EXOC4: variants seen among roughly 807,000 people sequenced by gnomAD.
EXOC4 encodes SEC8-like 1.
Under a neutral mutation model 107.2 loss-of-function variants are expected in EXOC4, and 71 were observed. The observed-to-expected ratio is 0.66, with a 90% confidence interval of 0.55 to 0.81. The LOEUF (loss-of-function observed/expected upper bound fraction) is 0.81, where lower values mean the gene tolerates loss of function less well. Among genes scored for constraint, EXOC4 ranks in the 30% least tolerant of loss-of-function variants. EXOC4 has a pLI of 0.00. For missense variants in EXOC4, 1,108 were observed against 1,189.6 expected, an observed-to-expected ratio of 0.93 and a Z score of 1.01; for synonymous variants, 456 against 441.2, an observed-to-expected ratio of 1.03 and a Z score of -0.42.
At chr7:133,342,313 A>G (rs1207605757) in intron 5 of EXOC4, among the ~76,000 whole-genome samples, 1 of 152,170 alleles carries the variant, frequency 6.6e-6, no homozygotes, top group Non-Finnish European at 1.5e-5. Context: ...TTTGCTGGAT[A>G]CGAAATTGTT....
intron 11 of EXOC4, among the ~76,000 whole-genome samples, chr7:133,856,219 A>G (rs986809117): frequency 6.6e-6 from 1 of 152,208 alleles, no homozygotes; most frequent in African/African-American, 2.4e-5. Flanking sequence ...CGGAAGTAAT[A>G]CCAATCTACA....
intron 11 of EXOC4, among the ~76,000 whole-genome samples, chr7:133,843,438 G>A (rs1350070503): frequency 2.0e-5 from 3 of 152,106 alleles, no homozygotes; most frequent in Non-Finnish European, 4.4e-5. Context: ...TATTGTGAAT[G>A]GAATTGCATT....
chr7:134,014,861 G>C (rs17167388), intron 17 of EXOC4, among the ~76,000 whole-genome samples: 28,795 of 151,966 alleles, frequency 0.19, 3,477 homozygotes, highest in East Asian at 0.42. Flanking sequence ...GAAATGAGGA[G>C]CCAAAGTTTT....
intron 11 of EXOC4, among the ~76,000 whole-genome samples, chr7:133,869,427 G>T (rs1000712047): frequency 1.3e-5 from 2 of 152,074 alleles, no homozygotes; most frequent in Admixed American, 6.6e-5. Context: ...GTAAAATGAG[G>T]CATGTGAGGA....
chr7:133,335,958 T>G (rs1479926058), intron 5 of EXOC4, among the ~76,000 whole-genome samples: 2 of 152,234 alleles, frequency 1.3e-5, no homozygotes, highest in African/African-American at 4.8e-5. Flanking sequence ...GGACATCTTT[T>G]CATGTGCTTG....
intron 5 of EXOC4, among the ~76,000 whole-genome samples, chr7:133,328,694 G>A (rs898205297): frequency 2.6e-5 from 4 of 152,142 alleles, no homozygotes; most frequent in South Asian, 2.1e-4. Flanking sequence ...TAGTTTGGCT[G>A]GATATGAAAT....
intron 10 of EXOC4, among the ~76,000 whole-genome samples, chr7:133,781,747 C>A (rs758169598): frequency 1.3e-5 from 2 of 152,186 alleles, no homozygotes; most frequent in East Asian, 1.9e-4. Context: ...AGTGACTCAT[C>A]ATGATCACTG....
At chr7:133,644,090 T>A (rs2151027685) in intron 10 of EXOC4, among the ~76,000 whole-genome samples, 1 of 152,350 alleles carries the variant, frequency 6.6e-6, no homozygotes, top group South Asian at 2.1e-4. Context: ...GAAAATTGAT[T>A]GAGGGGCTTT....
chr7:133,470,489 C>T (rs1798847918), intron 7 of EXOC4, among the ~76,000 whole-genome samples: 1 of 152,090 alleles, frequency 6.6e-6, no homozygotes, highest in South Asian at 2.1e-4. Flanking sequence ...TTTATTTTGA[C>T]CACAGAGCCA....
intron 10 of EXOC4, among the ~76,000 whole-genome samples, chr7:133,788,588 G>A (rs540914760): frequency 7.2e-5 from 11 of 152,128 alleles, no homozygotes; most frequent in African/African-American, 2.2e-4. Context: ...CACCTCCCGG[G>A]TTCAAGCAAT....
chr7:133,888,256 C>T (rs1203237751), intron 11 of EXOC4, among the ~76,000 whole-genome samples: 1 of 152,162 alleles, frequency 6.6e-6, no homozygotes, highest in South Asian at 2.1e-4. Flanking sequence ...AGCCAAAACC[C>T]TGTACCCCAT....
At chr7:133,594,226 A>G (rs1801612191) in intron 9 of EXOC4, among the ~76,000 whole-genome samples, 1 of 152,222 alleles carries the variant, frequency 6.6e-6, no homozygotes, top group Non-Finnish European at 1.5e-5. Context: ...GTCTTTGTAT[A>G]TTAGAGAGAC....
At chr7:133,928,703 A>G (rs956233795) in intron 13 of EXOC4, among the ~76,000 whole-genome samples, 7 of 152,012 alleles carry the variant, frequency 4.6e-5, no homozygotes, top group African/African-American at 1.7e-4. Context: ...TGCTGGAGGG[A>G]AAAATATGGA....
Position 133,783,636 on chromosome 7 carries a change from T to G in EXOC4, c.1515-33689T>G, listed in dbSNP as rs1015783282. 2.0e-5 allele frequency among the ~76,000 whole-genome samples: 3 copies of G among 152,212 alleles called. No individual in the cohort carries two copies. The East Asian group carries it at 5.8e-4, about 29-fold the overall frequency. Reference sequence around the variant, plus strand: ...TGTATTCGGTGAACTGTGTGGAGAGTTAGTGTATGGGATCATTGCTTGTTG... The same window carrying G: ...TGTATTCGGTGAACTGTGTGGAGAGGTAGTGTATGGGATCATTGCTTGTTG... On this transcript the variant is annotated intron_variant, in intron 10 of 17. Coordinates refer to ENST00000253861, the MANE Select transcript of EXOC4 (RefSeq NM_021807.4).
intron 5 of EXOC4, among the ~76,000 whole-genome samples, chr7:133,339,544 A>G (rs577588149): frequency 1.4e-4 from 21 of 152,320 alleles, no homozygotes; most frequent in African/African-American, 4.8e-4. Flanking sequence ...AGTTCTGTGA[A>G]GAATGATGGT....
intron 9 of EXOC4, among the ~76,000 whole-genome samples, chr7:133,627,613 G>T (rs142110903): frequency 1.3e-5 from 2 of 152,226 alleles, no homozygotes; most frequent in East Asian, 3.9e-4. Flanking sequence ...TGTTGTTAAA[G>T]AAGTTATATT....
At chr7:133,373,892 T>A (rs1205356910) in intron 6 of EXOC4, among the ~76,000 whole-genome samples, 6 of 152,218 alleles carry the variant, frequency 3.9e-5, no homozygotes, top group Admixed American at 2.6e-4. Context: ...TGAGGTAAAG[T>A]ATCTATATAT....
intron 10 of EXOC4, among the ~76,000 whole-genome samples, chr7:133,787,968 TATATATATA>T (rs1562997691): frequency 1.4e-4 from 3 of 21,330 alleles, no homozygotes; most frequent in Non-Finnish European, 2.9e-4. Context: ...TATATTTATA[TATATATATA>T]TATATATATA....
chr7:133,356,470 C>T lies in EXOC4; in HGVS notation c.904C>T (p.Arg302Cys), dbSNP rs774808256. ...IPETVKAIIE[R>C]LEQELKQIVK... ...AGAAACAGTTAAGGCAATCATAGAG[C>T]GCTTGGAGCAGGAGTTGAAGCAAAT... is the stretch of plus-strand genomic sequence containing the variant. The change falls in exon 6 of 18, where the codon CGC becomes TGC. Residue 302 changes from arginine to cysteine, a missense_variant. Coordinates refer to ENST00000253861, the MANE Select transcript of EXOC4 (RefSeq NM_021807.4). 90 of 1,614,024 alleles carry T rather than the reference C, an allele frequency of 5.6e-5. No homozygotes were observed. Among genetic ancestry groups the T allele is most frequent in the South Asian group, 2.0e-4 (18 of 91,080 alleles).
Sources: allele counts gnomAD v4.1 joint callset (sites outside exome capture counted in the v4.1 genomes callset), GRCh38; gene constraint gnomAD v4.1.1; transcripts MANE v1.5; gene names NCBI Gene and HGNC (gene_info 2026-07-23, HGNC 2026-07-21).